Variants in CSMD2 observed in about 807,000 individuals in gnomAD.
CSMD2 encodes the protein CUB and sushi domain-containing protein 2.
A neutral mutation model predicts 398.5 loss-of-function variants in CSMD2; 130 were observed. That is an observed-to-expected ratio of 0.33 (90% confidence interval 0.28 to 0.38). CSMD2 has a LOEUF of 0.38. Ranked by LOEUF, CSMD2 falls within the 10% of genes least tolerant of loss-of-function variation. The pLI is 1.00. For missense variants in CSMD2, 3,829 were observed against 4,764.9 expected (o/e 0.80, Z 5.78); for synonymous variants, 1,828 against 1,908.5 (o/e 0.96, Z 1.10).
rs377075931 is a variant in CSMD2, at chr1:33,790,782, A to G, written c.1550+1641T>C. ...TGTATCATCTATCATCTATCAATCAATCGTCTATCATCTCTCTAATATCTA... is the reference window on the plus strand; with the variant it reads ...TGTATCATCTATCATCTATCAATCAGTCGTCTATCATCTCTCTAATATCTA... On this transcript the variant is annotated intron_variant, in intron 11 of 70. Coordinates refer to ENST00000373381, the MANE Select transcript of CSMD2 (RefSeq NM_001281956.2). 5.3e-5 allele frequency among the ~76,000 whole-genome samples: 8 copies of G among 150,446 alleles called. No homozygotes were observed. The East Asian group carries it at 1.4e-3, about 26-fold the overall frequency.
chr1:33,808,956 A>G (rs1443421254), intron 10 of CSMD2, among the ~76,000 whole-genome samples: 1 of 139,804 alleles, frequency 7.2e-6, no homozygotes, highest in Non-Finnish European at 1.5e-5. Flanking sequence ...ATAAATTTTA[A>G]TATTTACTAA....
intron 6 of CSMD2, among the ~76,000 whole-genome samples, chr1:33,833,402 A>T (rs1306062095): frequency 6.6e-6 from 1 of 150,864 alleles, no homozygotes; most frequent in African/African-American, 2.5e-5. Context: ...GACAAAAACC[A>T]CATGATTATC....
At chr1:34,159,922 T>G (rs148879941) in intron 1 of CSMD2, among the ~76,000 whole-genome samples, 39 of 152,346 alleles carry the variant, frequency 2.6e-4, no homozygotes, top group Non-Finnish European at 4.3e-4. Context: ...ATCTCTGGTT[T>G]CTAATCCTTC....
intron 5 of CSMD2, among the ~76,000 whole-genome samples, chr1:33,889,655 C>CATAT (rs61533322): frequency 6.6e-6 from 1 of 151,048 alleles, no homozygotes; most frequent in African/African-American, 2.4e-5. Context: ...ATGAGGCTGA[C>CATAT]ATATATATAT....
chr1:33,865,816 T>C (rs1404713005), intron 5 of CSMD2, among the ~76,000 whole-genome samples: 1 of 152,254 alleles, frequency 6.6e-6, no homozygotes, highest in African/African-American at 2.4e-5. Flanking sequence ...TTTTTCCTAC[T>C]TGACTATAAT....
At chr1:33,938,068 C>T (rs507469) in intron 3 of CSMD2, among the ~76,000 whole-genome samples, 152,124 of 152,396 alleles carry the variant, frequency 1, 75,926 homozygotes, top group Middle Eastern at 1. Flanking sequence ...GTGGGCTTAC[C>T]GTGCTTGGCA....
chr1:34,144,065 G>A (rs927244176), intron 1 of CSMD2, among the ~76,000 whole-genome samples: 2 of 152,108 alleles, frequency 1.3e-5, no homozygotes, highest in Non-Finnish European at 2.9e-5. Flanking sequence ...CGGGCCAGAT[G>A]ATCAATGTCT....
intron 19 of CSMD2, among the ~76,000 whole-genome samples, chr1:33,723,490 G>A (rs954861340): frequency 2.0e-5 from 3 of 152,188 alleles, no homozygotes; most frequent in Non-Finnish European, 4.4e-5. Flanking sequence ...GGGTGGCACC[G>A]AATACATATT....
intron 4 of CSMD2, among the ~76,000 whole-genome samples, chr1:33,925,559 TG>T (rs1483556236): frequency 3.3e-5 from 5 of 152,230 alleles, no homozygotes; most frequent in African/African-American, 9.6e-5. Flanking sequence ...ATTTTAGGAT[TG>T]TTTTTTCTAT....
intron 37 of CSMD2, among the ~76,000 whole-genome samples, chr1:33,619,821 T>TA (rs551455578): frequency 1.3e-5 from 2 of 151,946 alleles, no homozygotes; most frequent in East Asian, 1.9e-4. Context: ...GGACAAGCAT[T>TA]AAAAAAAACC....
chr1:33,523,549 A>G (rs1359995108), intron 66 of CSMD2, 130 bp from the exon 67 acceptor site: 6 of 611,242 alleles, frequency 9.8e-6, no homozygotes, highest in Non-Finnish European at 1.5e-5. Context: ...CATTCTCCAC[A>G]TCCCTTTAAG....
At chr1:33,586,138 G>A (rs947551314) in intron 46 of CSMD2, among the ~76,000 whole-genome samples, 1 of 152,190 alleles carries the variant, frequency 6.6e-6, no homozygotes, top group Non-Finnish European at 1.5e-5. Context: ...GTGCATCCGC[G>A]CATCAGTAAA....
At chr1:33,760,395 C>A (rs1649671164) in intron 13 of CSMD2, among the ~76,000 whole-genome samples, 2 of 152,182 alleles carry the variant, frequency 1.3e-5, no homozygotes, top group South Asian at 4.1e-4. Context: ...AGGCCTCCTG[C>A]CCTATGCTAC....
intron 41 of CSMD2, among the ~76,000 whole-genome samples, chr1:33,606,910 C>T (rs1161459024): frequency 6.6e-6 from 1 of 152,116 alleles, no homozygotes; most frequent in Non-Finnish European, 1.5e-5. Context: ...GAGAGGTTGG[C>T]CATATAAGGC....
intron 44 of CSMD2, chr1:33,592,272 G>A (rs1237594584): frequency 7.4e-6 from 5 of 678,614 alleles, no homozygotes; most frequent in Middle Eastern, 3.8e-4. Context: ...GAAAGTAGAA[G>A]AGCAGCAATC....
Position 33,770,502 on chromosome 1 carries a change from C to T in CSMD2, c.1846+2067G>A, listed in dbSNP as rs946509392. On this transcript the variant is annotated intron_variant, in intron 13 of 70. Coordinates refer to ENST00000373381, the MANE Select transcript of CSMD2 (RefSeq NM_001281956.2). Reference sequence around the variant, plus strand: ...CACTTTGTTGAAATGCAAGGGTGACCTGGCTATATGCTGCAAAGGCATGGG... The same window carrying T: ...CACTTTGTTGAAATGCAAGGGTGACTTGGCTATATGCTGCAAAGGCATGGG... 1.3e-4 allele frequency among the ~76,000 whole-genome samples: 20 copies of T among 152,224 alleles called. 1 individual carries two copies. Among genetic ancestry groups the T allele is most frequent in the Admixed American group, 1.0e-3 (16 of 15,284 alleles).
rs138990646 is a variant in CSMD2, at chr1:33,954,089, G to C, written c.518-18135C>G. Among the ~76,000 whole-genome samples the C allele has an allele frequency of 5.0e-3, 766 of 152,222 alleles. 11 individuals carry two copies. The highest frequency in any genetic ancestry group is 0.016 in the African/African-American group (667 of 41,530). On this transcript the variant is annotated intron_variant, in intron 3 of 70. Transcript: ENST00000373381. ...CCCTTAGGGTTGCTATGTGGACCCA[G>C]GCAGATAATCCATGCAAGGCACCTG...
chr1:33,810,483 C>A (rs1288429539), intron 10 of CSMD2, among the ~76,000 whole-genome samples: 1 of 152,180 alleles, frequency 6.6e-6, no homozygotes, highest in Non-Finnish European at 1.5e-5. Context: ...GAGGAACCTG[C>A]ATCACTAAGG....
In CSMD2 at chr1:33,739,138, A is replaced by C. The variant is rs773778698; in HGVS notation, c.2368+2T>G. On this transcript the variant is annotated splice_donor_variant, in intron 15 of 70. Coordinates refer to ENST00000373381, the MANE Select transcript of CSMD2 (RefSeq NM_001281956.2). LOFTEE classifies it high-confidence loss of function. ...CACTGCTCCCAGCCTGCAGGCTCGT[A>C]CCTTCACACCGCAGCACAGCGCTGT... 6.2e-7 allele frequency: 1 copy of C among 1,610,520 alleles called. No homozygotes were observed. The highest frequency in any genetic ancestry group is 1.1e-5 in the South Asian group (1 of 90,444).
Sources: gnomAD v4.1 joint callset for allele counts (sites outside exome capture counted in the v4.1 genomes callset) on GRCh38, gnomAD v4.1.1 for gene constraint, MANE v1.5 for transcripts, NCBI Gene and HGNC (gene_info 2026-07-23, HGNC 2026-07-21) for gene names.